The following CNGB1 variants were observed in gnomAD, a reference collection of about 807,000 sequenced individuals.
CNGB1 encodes the protein cyclic nucleotide gated channel subunit beta 1, also known as cyclic nucleotide-gated channel beta-1.
Under a neutral mutation model 151.7 loss-of-function variants are expected in CNGB1, and 126 were observed. That is an observed-to-expected ratio of 0.83 (90% CI 0.72 to 0.96). CNGB1 has a LOEUF of 0.96. Ranked by LOEUF, CNGB1 falls within the 40% of genes least tolerant of loss-of-function variation. CNGB1 has a pLI of 0.00. For missense variants in CNGB1, 1,698 were observed against 1,627.0 expected (o/e 1.04, Z -0.75); for synonymous variants, 623 against 635.1 (o/e 0.98, Z 0.29).
intron 20 of CNGB1, among the ~76,000 whole-genome samples, chr16:57,918,699 G>A (rs1399081125): frequency 6.6e-6 from 1 of 151,994 alleles, no homozygotes; most frequent in Non-Finnish European, 1.5e-5. Context: ...CTATTCCAGG[G>A]ACTTTTGTTG....
intron 7 of CNGB1, 109 bp from the exon 8 acceptor site, chr16:57,961,024 G>T: frequency 3.2e-6 from 3 of 939,358 alleles, no homozygotes; most frequent in Non-Finnish European, 5.1e-6. Context: ...CTCCAATCCT[G>T]TTCTGCACAG....
chr16:57,920,736 AT>A (rs1961010236), intron 18 of CNGB1, among the ~76,000 whole-genome samples, 192 bp from the exon 19 acceptor site: 1 of 152,230 alleles, frequency 6.6e-6, no homozygotes, highest in African/African-American at 2.4e-5. Flanking sequence ...CAGTCCGGGA[AT>A]AATGCCCAGG....
rs1567378042 is a variant in CNGB1, at chr16:57,920,370, T to G, written c.1801+17A>C. 1 of 1,613,638 alleles carries G rather than the reference T, an allele frequency of 6.2e-7. No homozygotes were observed. Among genetic ancestry groups the G allele is most frequent in the African/African-American group, 1.3e-5 (1 of 74,900 alleles). On this transcript the variant is annotated intron_variant, in intron 19 of 32. Transcript: ENST00000251102. The stretch of plus-strand genomic sequence containing the variant: ...CCCATCCCCATCCAGGTAGACCCCC[T>G]CCAGCTCCAGACTCACAGGGCTTGG...
rs374602788 is a variant in CNGB1, at chr16:57,900,594, A to G, written c.2976+758T>C. On this transcript the variant is annotated intron_variant, in intron 29 of 32. Transcript: ENST00000251102. ...GTCAGGCCCCAGGATTCAACTCCAGATGTTTTCTGGGATCAGAGGGTGAAG... is the reference window on the plus strand; with the variant it reads ...GTCAGGCCCCAGGATTCAACTCCAGGTGTTTTCTGGGATCAGAGGGTGAAG... 1.3e-3 allele frequency among the ~76,000 whole-genome samples: 196 copies of G among 151,394 alleles called. 2 individuals are homozygous for G. Among genetic ancestry groups the G allele is most frequent in the African/African-American group, 4.6e-3 (190 of 41,304 alleles).
At chr16:57,904,073 A>G in intron 26 of CNGB1, 92 bp from the exon 27 acceptor site, 1 of 1,205,938 alleles carries the variant, frequency 8.3e-7, no homozygotes, top group Non-Finnish European at 1.2e-6. Context: ...CTTCACACAG[A>G]CCACGGGCAT....
chr16:57,941,948 C>T (rs1011787589), intron 14 of CNGB1, among the ~76,000 whole-genome samples: 5 of 152,136 alleles, frequency 3.3e-5, no homozygotes, highest in African/African-American at 1.2e-4. Context: ...ACCTCCCAGG[C>T]TCAAGCCATC....
Position 57,912,927 on chromosome 16 carries a change from C to T in CNGB1, c.2369+3G>A. ...ATGCATGCACATGCAGGGGGAGTCTCACCTGTACACGTAGGCTTTGCTGAG... is the reference window on the plus strand; with the variant it reads ...ATGCATGCACATGCAGGGGGAGTCTTACCTGTACACGTAGGCTTTGCTGAG... On this transcript the variant is annotated splice_donor_region_variant and intron_variant, in intron 24 of 32. Coordinates refer to ENST00000251102, the MANE Select transcript of CNGB1 (RefSeq NM_001297.5). 1 of 1,613,872 alleles carries T rather than the reference C, an allele frequency of 6.2e-7. No homozygotes were observed. Among genetic ancestry groups the T allele is most frequent in the Non-Finnish European group, 8.5e-7 (1 of 1,179,856 alleles).
At chr16:57,904,104 G>T (rs879900510) in intron 26 of CNGB1, 123 bp from the exon 27 acceptor site, 1 of 810,206 alleles carries the variant, frequency 1.2e-6, no homozygotes, top group Non-Finnish European at 2.1e-6. Flanking sequence ...CAGGGCGTTG[G>T]GAGGGGGGTA....
chr16:57,909,545 C>T (rs974084906), intron 25 of CNGB1, among the ~76,000 whole-genome samples: 11 of 152,062 alleles, frequency 7.2e-5, no homozygotes, highest in Admixed American at 2.0e-4. Context: ...TGCATCACCA[C>T]GCCTGGCTAA....
chr16:57,958,248 A>T (rs1962140424), intron 11 of CNGB1, among the ~76,000 whole-genome samples, 162 bp downstream of exon 11: 1 of 152,196 alleles, frequency 6.6e-6, no homozygotes, highest in African/African-American at 2.4e-5. Flanking sequence ...GGGCTGGGCC[A>T]GCATGTCTCA....
intron 16 of CNGB1, among the ~76,000 whole-genome samples, chr16:57,938,254 T>C (rs75999538): frequency 0.25 from 38,682 of 152,128 alleles, 5,250 homozygotes; most frequent in African/African-American, 0.33. Flanking sequence ...TTTTCATCCA[T>C]GTGGGGACCC....
At chr16:57,932,191 C>A (rs1961373111) in intron 16 of CNGB1, among the ~76,000 whole-genome samples, 1 of 152,178 alleles carries the variant, frequency 6.6e-6, no homozygotes, top group South Asian at 2.1e-4. Flanking sequence ...GGTTTCCCTG[C>A]ACTTGAGCAA....
At position 57,884,273 on chromosome 16, in the gene CNGB1, G is replaced by T; in HGVS notation, c.3647C>A (p.Ala1216Asp). 6.2e-7 allele frequency: 1 copy of T among 1,613,626 alleles called. No individual in the cohort carries two copies. The highest frequency in any genetic ancestry group is 8.5e-7 in the Non-Finnish European group (1 of 1,179,870). Reference protein sequence around the residue: ...GRPEGEEEGPAEPEEHSVRIC... With the variant: ...GRPEGEEEGPDEPEEHSVRIC... The stretch of plus-strand genomic sequence containing the variant: ...CCTCACCGAGTGCTCTTCGGGCTCG[G>T]CCGGCCCCTCCTCCTCTCCCTCCGG... The change falls in exon 33 of 33, where the codon GCC becomes GAC. Residue 1216 changes from alanine (A) to aspartate (D), a missense_variant. Transcript: ENST00000251102.
Position 57,903,826 on chromosome 16 carries a change from C to T in CNGB1, c.2790G>A (p.Met930Ile). Reference protein sequence around the residue: ...WYEYTWHSQGMLDESELMVQL... With the variant: ...WYEYTWHSQGILDESELMVQL... ...GCCAGGGCGTGACCATCTTACCCAGCATGCCTTGCGAGTGCCAGGTGTACT... is the reference window on the plus strand; with the variant it reads ...GCCAGGGCGTGACCATCTTACCCAGTATGCCTTGCGAGTGCCAGGTGTACT... The change falls in exon 27 of 33, where the codon ATG becomes ATA. Residue 930 changes from methionine (M) to isoleucine (I), a missense_variant. By Grantham distance (10) the Met-to-Ile change is conservative. Coordinates refer to ENST00000251102, the MANE Select transcript of CNGB1 (RefSeq NM_001297.5). The T allele has an allele frequency of 1.9e-6, 3 of 1,614,114 alleles. No individual in the cohort carries two copies. The highest frequency in any genetic ancestry group is 1.7e-6 in the Non-Finnish European group (2 of 1,180,040).
chr16:57,898,468 C>T (rs889913311), intron 29 of CNGB1, among the ~76,000 whole-genome samples: 1 of 152,098 alleles, frequency 6.6e-6, no homozygotes, highest in Non-Finnish European at 1.5e-5. Flanking sequence ...ACCTCTGCCT[C>T]CTGGGTTCAA....
At chr16:57,913,811 C>T (rs763628917) in intron 23 of CNGB1, among the ~76,000 whole-genome samples, 3 of 152,152 alleles carry the variant, frequency 2.0e-5, no homozygotes, top group Admixed American at 2.0e-4. Context: ...TTACCTTATT[C>T]CTTATTTACA....
intron 16 of CNGB1, among the ~76,000 whole-genome samples, chr16:57,938,193 G>A (rs1961564281): frequency 6.6e-6 from 1 of 152,166 alleles, no homozygotes; most frequent in African/African-American, 2.4e-5. Context: ...ACCTGGGAAG[G>A]GGCAGAACCC....
At chr16:57,927,419 C>T (rs1334209427) in intron 17 of CNGB1, among the ~76,000 whole-genome samples, 2 of 152,228 alleles carry the variant, frequency 1.3e-5, no homozygotes, top group Non-Finnish European at 2.9e-5. Context: ...CCTCTCAGGG[C>T]TGGGCTCAGG....
Position 57,959,938 on chromosome 16 carries a change from G to C in CNGB1, c.711C>G (p.Pro237=). The C allele has an allele frequency of 6.3e-7, 1 of 1,584,132 alleles. No individual in the cohort carries two copies. The highest frequency in any genetic ancestry group is 8.6e-7 in the Non-Finnish European group (1 of 1,163,300). The part of the protein sequence containing the change: ...PKEAPAPEPQ[P]GSQAQTSSLP... The stretch of plus-strand genomic sequence containing the variant: ...GGGAGGAGGTCTGGGCCTGGGAGCC[G>C]GGCTGGGGCTCTGGAGCTGGTGCCT... The change falls in exon 10 of 33, where the codon CCC becomes CCG. Residue 237 remains proline (P), a synonymous_variant. Coordinates refer to ENST00000251102, the MANE Select transcript of CNGB1 (RefSeq NM_001297.5).
Sources: allele counts gnomAD v4.1 joint callset (sites outside exome capture counted in the v4.1 genomes callset), GRCh38; gene constraint gnomAD v4.1.1; transcripts MANE v1.5; gene names NCBI Gene and HGNC (gene_info 2026-07-23, HGNC 2026-07-21).